PHLPP1: variants seen among roughly 807,000 people sequenced by gnomAD.
The protein encoded by PHLPP1 is PH domain and leucine rich repeat protein phosphatase 1, also known as PH domain leucine-rich repeat-containing protein phosphatase 1.
In PHLPP1, 42 loss-of-function variants were observed where a neutral mutation model predicts 117.2. The observed-to-expected ratio is 0.36, with a 90% CI of 0.28 to 0.46. The LOEUF (loss-of-function observed/expected upper bound fraction) is 0.46. PHLPP1 is among the 20% of genes least tolerant of loss of function. The pLI is 1.00. For synonymous variants in PHLPP1, 1,042 were observed against 970.7 expected, an observed-to-expected ratio of 1.07 and a Z score of -1.37; for missense variants, 2,084 against 2,241.9, an observed-to-expected ratio of 0.93 and a Z score of 1.42.
At chr18:62,972,857 C>A in intron 15 of PHLPP1, 149 bp downstream of exon 15, 1 of 639,166 alleles carries the variant, frequency 1.6e-6, no homozygotes, top group Non-Finnish European at 2.8e-6. Context: ...TTTGGTGTTG[C>A]CCAGGCATCA....
At chr18:62,801,705 G>T (rs1311882947) in intron 1 of PHLPP1, among the ~76,000 whole-genome samples, 1 of 152,152 alleles carries the variant, frequency 6.6e-6, no homozygotes, top group African/African-American at 2.4e-5. Flanking sequence ...GCCTGCCTCT[G>T]CCTCCCAAAG....
rs774225759 is a variant in PHLPP1, at chr18:62,900,433, CTTTTTTTTTTTTT to C, written c.2445-2515_2445-2503del. Among the ~76,000 whole-genome samples the C allele has an allele frequency of 7.4e-4, 40 of 54,266 alleles. 1 individual carries two copies. The highest frequency in any genetic ancestry group is 1.5e-3 in the South Asian group (2 of 1,340). The allele number at this position is 54,266 out of a possible 152,430, so 35.6% of individuals were successfully genotyped here. A position where few individuals can be genotyped will look rare whatever the true frequency, so the allele number is the denominator to read the frequency against. ...GTATTCTTGTTTTTTCTTTTTCTTT[CTTTTTTTTTTTTT>C]TTTTTTTTTTTTTTTGAGACAGGGT... On this transcript the variant is annotated intron_variant, in intron 6 of 16. Coordinates refer to ENST00000262719, the MANE Select transcript of PHLPP1 (RefSeq NM_194449.4).
intron 10 of PHLPP1, among the ~76,000 whole-genome samples, chr18:62,933,171 T>G (rs986364452): frequency 6.6e-6 from 1 of 152,166 alleles, no homozygotes; most frequent in African/African-American, 2.4e-5. Context: ...TCAGTATCAT[T>G]TAAATGGTTA....
At chr18:62,779,955 C>G (rs1021845310) in intron 1 of PHLPP1, among the ~76,000 whole-genome samples, 1 of 152,168 alleles carries the variant, frequency 6.6e-6, no homozygotes, top group Non-Finnish European at 1.5e-5. Flanking sequence ...CAGTAGCCAA[C>G]TGTCCACATG....
chr18:62,925,465 A>AAGATAGTG (rs1445986696), intron 10 of PHLPP1, among the ~76,000 whole-genome samples: 1 of 150,498 alleles, frequency 6.6e-6, no homozygotes, highest in African/African-American at 2.5e-5. Context: ...ATGTGTGCTT[A>AAGATAGTG]TTAAATATTC....
intron 1 of PHLPP1, among the ~76,000 whole-genome samples, chr18:62,722,397 C>T (rs575737969): frequency 6.6e-6 from 1 of 152,140 alleles, no homozygotes; most frequent in African/African-American, 2.4e-5. Flanking sequence ...GATCCTGAAG[C>T]CGCTCAATAG....
chr18:62,736,358 CACTG>C (rs1262618418), intron 1 of PHLPP1, among the ~76,000 whole-genome samples: 7 of 152,128 alleles, frequency 4.6e-5, no homozygotes, highest in African/African-American at 1.7e-4. Flanking sequence ...GGAGGTAAAC[CACTG>C]TGTGGTTCAG....
At chr18:62,738,465 T>G (rs1453750063) in intron 1 of PHLPP1, among the ~76,000 whole-genome samples, 1 of 152,232 alleles carries the variant, frequency 6.6e-6, no homozygotes, top group Non-Finnish European at 1.5e-5. Flanking sequence ...GTGTTAAGTA[T>G]TATAAGTAAT....
chr18:62,840,314 T>C (rs1270769359), intron 3 of PHLPP1, among the ~76,000 whole-genome samples: 1 of 152,114 alleles, frequency 6.6e-6, no homozygotes, highest in African/African-American at 2.4e-5. Flanking sequence ...GCTTAGAAAA[T>C]TCTCTCAACC....
In PHLPP1 at chr18:62,879,404, ATGTGTGTGTGTGTGTG is replaced by A. The variant is rs61701836; in HGVS notation, c.2067-15593_2067-15578del. On this transcript the variant is annotated intron_variant, in intron 4 of 16. Coordinates refer to ENST00000262719, the MANE Select transcript of PHLPP1 (RefSeq NM_194449.4). Reference sequence around the variant, plus strand: ...TAAATTACCCAATGGTATTCTGGATATGTGTGTGTGTGTGTGTGTGTGTGTGTGTCAGAGTCTTACT... The same window carrying A: ...TAAATTACCCAATGGTATTCTGGATATGTGTGTGTGTGTCAGAGTCTTACT... Among the ~76,000 whole-genome samples the A allele has an allele frequency of 2.1e-5, 3 of 145,840 alleles. No individual in the cohort carries two copies. In the East Asian group the frequency reaches 6.0e-4, roughly 29 times the overall value.
intron 1 of PHLPP1, among the ~76,000 whole-genome samples, chr18:62,787,320 C>T (rs755215520): frequency 6.6e-6 from 1 of 152,082 alleles, no homozygotes; most frequent in African/African-American, 2.4e-5. Flanking sequence ...GCACGTGCCG[C>T]TACTGCCTGG....
intron 12 of PHLPP1, among the ~76,000 whole-genome samples, chr18:62,949,901 A>G (rs1910403517): frequency 6.6e-6 from 1 of 152,234 alleles, no homozygotes. Context: ...ACTGCATAGC[A>G]GTCACATTGG....
At chr18:62,954,227 A>G (rs1056726575) in intron 12 of PHLPP1, among the ~76,000 whole-genome samples, 1 of 152,204 alleles carries the variant, frequency 6.6e-6, no homozygotes, top group African/African-American at 2.4e-5. Context: ...TCTTACCAGA[A>G]TTTTGATTAT....
rs980594708 is a variant in PHLPP1 at position 62,979,066 on chromosome 18, A to C, written c.4789A>C (p.Ile1597Leu). The C allele has an allele frequency of 1.2e-6, 2 of 1,613,906 alleles. No individual in the cohort carries two copies. The highest frequency in any genetic ancestry group is 1.7e-6 in the Non-Finnish European group (2 of 1,179,840). ...PAEASDEGIV[I>L]SANEDEPGLP... ...AGAGGCCAGTGATGAGGGCATTGTC[A>C]TCAGCGCCAACGAGGATGAGCCAGG... The change falls in exon 17 of 17, where the codon ATC becomes CTC. Residue 1597 changes from isoleucine to leucine, a missense_variant. Physicochemically the swap from Ile to Leu is conservative, Grantham distance 5. Transcript: ENST00000262719.
intron 4 of PHLPP1, among the ~76,000 whole-genome samples, chr18:62,891,053 T>C (rs900151770): frequency 2.6e-5 from 4 of 152,214 alleles, no homozygotes; most frequent in African/African-American, 9.6e-5. Context: ...ACCAGTTAAA[T>C]TTGAATTTCA....
At chr18:62,799,985 G>C (rs1160134717) in intron 1 of PHLPP1, among the ~76,000 whole-genome samples, 1 of 152,144 alleles carries the variant, frequency 6.6e-6, no homozygotes, top group African/African-American at 2.4e-5. Context: ...ATTATCAACT[G>C]CTGGAGATGT....
At chr18:62,921,094 A>T (rs1431728061) in intron 10 of PHLPP1, among the ~76,000 whole-genome samples, 2 of 152,220 alleles carry the variant, frequency 1.3e-5, no homozygotes, top group Non-Finnish European at 2.9e-5. Context: ...GCTTTAAGTA[A>T]CAGTGGCTGT....
Position 62,978,774 on chromosome 18 carries a change from G to A in PHLPP1, c.4497G>A (p.Pro1499=), listed in dbSNP as rs371009766. ...GGTCAACAGCCTCCGATGAGCCCCC[G>A]CCCGGAGCCCTAAGCGAGAACAGCC... is the stretch of plus-strand genomic sequence containing the variant. ...EVGSTASDEP[P]PGALSENSPA... Residue 1499 remains proline, a synonymous_variant, in exon 17 of 17, where the codon CCG becomes CCA. Coordinates refer to ENST00000262719, the MANE Select transcript of PHLPP1 (RefSeq NM_194449.4). The surrounding 1 kb of genome is among the most constrained non-coding windows in gnomAD (Gnocchi z 7.0). The A allele has an allele frequency of 9.4e-5, 152 of 1,612,580 alleles. No individual in the cohort carries two copies. The African/African-American group carries it at 1.7e-3, about 18-fold the overall frequency.
intron 1 of PHLPP1, among the ~76,000 whole-genome samples, chr18:62,735,914 A>G (rs1911356476): frequency 6.6e-6 from 1 of 152,076 alleles, no homozygotes; most frequent in Non-Finnish European, 1.5e-5. Flanking sequence ...TAACCTGCAC[A>G]TTGTGCACAT....
Sources: gnomAD v4.1 joint callset for allele counts (sites outside exome capture counted in the v4.1 genomes callset) on GRCh38, gnomAD v4.1.1 for gene constraint, Gnocchi (gnomAD v3.1) non-coding constraint, MANE v1.5 for transcripts, NCBI Gene and HGNC (gene_info 2026-07-23, HGNC 2026-07-21) for gene names.